BAZ1B: variants seen among roughly 807,000 people sequenced by gnomAD.
The protein encoded by BAZ1B is tyrosine-protein kinase BAZ1B.
BAZ1B carries 22 observed loss-of-function variants against 153.8 expected under a neutral mutation model. The observed-to-expected ratio is 0.14, with a 90% CI of 0.10 to 0.20. The LOEUF (loss-of-function observed/expected upper bound fraction) is 0.20. Among genes scored for constraint, BAZ1B ranks in the 10% least tolerant of loss-of-function variants. The pLI is 1.00. For missense variants in BAZ1B, 1,325 were observed against 1,799.3 expected, an observed-to-expected ratio of 0.74 and a Z score of 4.77; for synonymous variants, 676 against 633.4, an observed-to-expected ratio of 1.07 and a Z score of -1.01.
chr7:73,478,467 G>C lies in BAZ1B; in HGVS notation c.994C>G (p.Leu332Val), dbSNP rs782555367. 66 of 1,611,596 alleles carry C rather than the reference G, an allele frequency of 4.1e-5. No individual in the cohort carries two copies. In the East Asian group the frequency reaches 1.2e-3, roughly 30 times the overall value. ...ACGTGACACCATAACTTAGGATTTAGTGGTGAACTAAGAGAAGAGTTGTCT... is the reference window on the plus strand; with the variant it reads ...ACGTGACACCATAACTTAGGATTTACTGGTGAACTAAGAGAAGAGTTGTCT... ...KTDNSSLSSPLNPKLWCHVHL... is the reference protein window; with the variant it reads ...KTDNSSLSSPVNPKLWCHVHL... Residue 332 changes from leucine (L) to valine (V), a missense_variant, in exon 7 of 20, where the codon CTA becomes GTA. Coordinates refer to ENST00000339594, the MANE Select transcript of BAZ1B (RefSeq NM_032408.4).
intron 12 of BAZ1B, among the ~76,000 whole-genome samples, chr7:73,460,855 C>T (rs1205028005): frequency 6.6e-6 from 1 of 151,788 alleles, no homozygotes; most frequent in Non-Finnish European, 1.5e-5. Context: ...GTCCCAGCTA[C>T]TTGGGAGACT....
intron 17 of BAZ1B, among the ~76,000 whole-genome samples, chr7:73,443,346 A>AGAAAAGGGGCGGG (rs1438516915): frequency 3.3e-5 from 5 of 151,294 alleles, no homozygotes; most frequent in African/African-American, 4.9e-5. Context: ...GTGGCTAAAG[A>AGAAAAGGGGCGGG]GAAAAGGGGC....
chr7:73,506,305 T>C (rs1349362543), intron 3 of BAZ1B, among the ~76,000 whole-genome samples: 1 of 151,708 alleles, frequency 6.6e-6, no homozygotes, highest in Non-Finnish European at 1.5e-5. Context: ...GAGACCATCC[T>C]GGCTAACACA....
At chr7:73,520,384 T>C (rs1247478048) in intron 1 of BAZ1B, among the ~76,000 whole-genome samples, 5 of 152,066 alleles carry the variant, frequency 3.3e-5, no homozygotes, top group South Asian at 2.1e-4. Flanking sequence ...AGTGAGGTAA[T>C]ATTTAAATTA....
In BAZ1B at chr7:73,470,339, A is replaced by C; in HGVS notation, c.2732+6T>G. On this transcript the variant is annotated splice_donor_region_variant and intron_variant, in intron 8 of 19. Coordinates refer to ENST00000339594, the MANE Select transcript of BAZ1B (RefSeq NM_032408.4). ...AAGAAAACAAAAATTTGGTTTAGGA[A>C]CTGACCTATTATGGTTTCGATCTGT... 1 of 1,603,356 alleles carries C rather than the reference A, an allele frequency of 6.2e-7. No individual in the cohort carries two copies. Among genetic ancestry groups the C allele is most frequent in the Non-Finnish European group, 8.5e-7 (1 of 1,175,304 alleles).
chr7:73,515,071 C>CA lies in BAZ1B; in HGVS notation c.108-4220dup, dbSNP rs1322901661. On this transcript the variant is annotated intron_variant, in intron 1 of 19. Transcript: ENST00000339594. ...TGGATGACAGAGTGAGAATCTGTCT[C>CA]AAAAAAAAACAAAAAACCTCCAAAC... 5.3e-4 allele frequency among the ~76,000 whole-genome samples: 79 copies of CA among 149,440 alleles called. 1 individual carries two copies. Among genetic ancestry groups the CA allele is most frequent in the South Asian group, 3.0e-3 (14 of 4,738 alleles).
Position 73,440,429 on chromosome 7 carries a change from C to T in BAZ1B, c.*1280G>A, listed in dbSNP as rs1300087513. On this transcript the variant is annotated 3_prime_UTR_variant, in exon 20 of 20. Transcript: ENST00000339594. ...GGTTTCTTCTTTATAAACACAAGTA[C>T]ATGAGGTTTATTTGAAATTCCAATT... 2 of 149,982 alleles carry T rather than the reference C, an allele frequency of 1.3e-5. No homozygotes were observed. Among genetic ancestry groups the T allele is most frequent in the Non-Finnish European group, 3.0e-5 (2 of 67,604 alleles). The allele number at this position is 149,982 out of a possible 1,614,324, so 9.3% of individuals were successfully genotyped here.
At chr7:73,502,466 G>A (rs942656216) in intron 3 of BAZ1B, among the ~76,000 whole-genome samples, 1 of 152,004 alleles carries the variant, frequency 6.6e-6, no homozygotes, top group Admixed American at 6.6e-5. Context: ...CAGACCCAGT[G>A]GCTCACACCT....
At chr7:73,501,282 C>CA (rs1790123215) in intron 3 of BAZ1B, among the ~76,000 whole-genome samples, 1 of 151,962 alleles carries the variant, frequency 6.6e-6, no homozygotes, top group Non-Finnish European at 1.5e-5. Flanking sequence ...AAAACAAAAA[C>CA]AAAAACAACA....
intron 3 of BAZ1B, among the ~76,000 whole-genome samples, chr7:73,499,292 G>A (rs1554576791): frequency 6.6e-6 from 1 of 151,936 alleles, no homozygotes; most frequent in African/African-American, 2.4e-5. Flanking sequence ...CCTCCCAAAG[G>A]GCTGGGATTA....
At chr7:73,444,175 G>C in intron 16 of BAZ1B, 46 bp from the exon 17 acceptor site, 1 of 1,527,466 alleles carries the variant, frequency 6.5e-7, no homozygotes, top group Non-Finnish European at 8.8e-7. Context: ...GGAAGGTGAA[G>C]GGAGGAGCAT....
chr7:73,458,505 G>A (rs782205405), intron 13 of BAZ1B, among the ~76,000 whole-genome samples: 2 of 151,772 alleles, frequency 1.3e-5, no homozygotes, highest in Admixed American at 6.6e-5. Context: ...GTGAAACCCC[G>A]TCTCTACAAA....
chr7:73,491,748 TG>T (rs1789654103), intron 5 of BAZ1B, among the ~76,000 whole-genome samples: 3 of 152,182 alleles, frequency 2.0e-5, no homozygotes. Context: ...GCAAAAGATT[TG>T]GGTTACAATC....
At chr7:73,498,449 A>G in intron 4 of BAZ1B, 48 bp downstream of exon 4, 1 of 1,549,996 alleles carries the variant, frequency 6.5e-7, no homozygotes, top group Non-Finnish European at 8.9e-7. Flanking sequence ...TCATAATAAA[A>G]TAAACAGGAT....
At chr7:73,519,420 AAAAACC>A (rs1359002860) in intron 1 of BAZ1B, among the ~76,000 whole-genome samples, 2 of 152,198 alleles carry the variant, frequency 1.3e-5, no homozygotes, top group African/African-American at 4.8e-5. Flanking sequence ...ACAATTGTTT[AAAAACC>A]ATCCTCAAAG....
At chr7:73,459,422 C>A in intron 13 of BAZ1B, 114 bp downstream of exon 13, 13 of 997,402 alleles carry the variant, frequency 1.3e-5, no homozygotes, top group South Asian at 3.5e-5. Context: ...CACACAAAAA[C>A]ACTCACTCAG....
Position 73,494,102 on chromosome 7 carries a change from C to T in BAZ1B, c.572-1181G>A, listed in dbSNP as rs551606210. On this transcript the variant is annotated intron_variant, in intron 4 of 19. Transcript: ENST00000339594. ...TTGGAAAGATCAATATAAAATGGGG[C>T]CCATCACAGTGGCTCGTGCCTGTAA... is the stretch of plus-strand genomic sequence containing the variant. Among the ~76,000 whole-genome samples, 3 of 152,198 alleles carry T rather than the reference C, an allele frequency of 2.0e-5. No individual in the cohort carries two copies. In the East Asian group the frequency reaches 5.8e-4, roughly 29 times the overall value.
At chr7:73,500,654 G>A (rs1790089291) in intron 3 of BAZ1B, among the ~76,000 whole-genome samples, 1 of 152,090 alleles carries the variant, frequency 6.6e-6, no homozygotes, top group Non-Finnish European at 1.5e-5. Context: ...ACTTTGGGAG[G>A]CTGAAGTGGG....
chr7:73,472,789 G>A (rs781814613), intron 7 of BAZ1B, among the ~76,000 whole-genome samples: 3 of 149,350 alleles, frequency 2.0e-5, no homozygotes, highest in Non-Finnish European at 3.0e-5. Flanking sequence ...ATGGAGTCTC[G>A]CTCTATCATC....
Sources: gnomAD v4.1 joint callset for allele counts (sites outside exome capture counted in the v4.1 genomes callset) on GRCh38, gnomAD v4.1.1 for gene constraint, MANE v1.5 for transcripts, NCBI Gene and HGNC (gene_info 2026-07-23, HGNC 2026-07-21) for gene names.